STX11: variants seen among roughly 807,000 people sequenced by gnomAD.
STX11 encodes syntaxin 11.
STX11 carries 21 observed loss-of-function variants against 19.9 expected under a neutral mutation model. That is an observed-to-expected ratio of 1.06 (90% CI 0.75 to 1.52). STX11 has a LOEUF of 1.52. Ranked by LOEUF, STX11 falls within the 40% of genes most tolerant of loss-of-function variation. STX11 has a pLI of 0.00. For missense variants in STX11, 438 were observed against 405.9 expected, an observed-to-expected ratio of 1.08 and a Z score of -0.68; for synonymous variants, 193 against 174.4, an observed-to-expected ratio of 1.11 and a Z score of -0.84.
At chr6:144,150,291 C>G (rs1429057294), upstream of STX11, among the ~76,000 whole-genome samples, 2 of 152,258 alleles carry the variant, frequency 1.3e-5, no homozygotes, top group African/African-American at 2.4e-5. Flanking sequence ...ACATCCCACT[C>G]CCCGCGCCGG....
In STX11 at chr6:144,155,741, A is replaced by G. The variant is rs950906673; in HGVS notation, c.-6+5038A>G. Among the ~76,000 whole-genome samples, 1 of 152,134 alleles carries G rather than the reference A, an allele frequency of 6.6e-6. No homozygotes were observed. The highest frequency in any genetic ancestry group is 2.4e-5 in the African/African-American group (1 of 41,424). ...TAATAACCATTCTGTGTCTTTTACT[A>G]ATAATGAAACCATCTGTCAGAGTAA... On this transcript the variant is annotated intron_variant, in intron 1 of 1. Coordinates refer to ENST00000367568, the MANE Select transcript of STX11 (RefSeq NM_003764.4). The surrounding 1 kb of genome is among the most constrained non-coding windows in gnomAD (Gnocchi z 4.5).
chr6:144,188,829 C>G lies in STX11; in HGVS notation c.*1338C>G, dbSNP rs886061149. Among the ~76,000 whole-genome samples the G allele has an allele frequency of 6.8e-6, 1 of 146,100 alleles. No homozygotes were observed. Among genetic ancestry groups the G allele is most frequent in the South Asian group, 2.1e-4 (1 of 4,658 alleles). ...GCAACCTCTGTCTCCCAGGTTCGAG[C>G]GATTCTCCTGACTCAGCCTCCTGAG... is the stretch of plus-strand genomic sequence containing the variant. On this transcript the variant is annotated 3_prime_UTR_variant, in exon 2 of 2. Coordinates refer to ENST00000367568, the MANE Select transcript of STX11 (RefSeq NM_003764.4).
In STX11 at chr6:144,154,461, C is replaced by T. The variant is rs1238158178; in HGVS notation, c.-6+3758C>T. Among the ~76,000 whole-genome samples, 1 of 152,210 alleles carries T rather than the reference C, an allele frequency of 6.6e-6. No homozygotes were observed. Among genetic ancestry groups the T allele is most frequent in the Non-Finnish European group, 1.5e-5 (1 of 68,046 alleles). ...TGGAGACTCACAGTGTCTGAAGGTT[C>T]CAAGTGCTTCAATCATTGTGTCTAC... On this transcript the variant is annotated intron_variant, in intron 1 of 1. Coordinates refer to ENST00000367568, the MANE Select transcript of STX11 (RefSeq NM_003764.4). The surrounding 1 kb of genome is among the most constrained non-coding windows in gnomAD (Gnocchi z 4.7).
rs1477145783 is a variant in STX11 at position 144,167,679 on chromosome 6, C to G, written c.-6+16976C>G. ...TGTTGCTCAGGTTAAAGTGCAGTGG[C>G]ACGATCACAGCTCACTGAAGCCTTA... On this transcript the variant is annotated intron_variant, in intron 1 of 1. Transcript: ENST00000367568. This position sits in a 1 kb window ranked among gnomAD's most constrained non-coding sequence, Gnocchi z 5.0. Among the ~76,000 whole-genome samples, 4 of 152,076 alleles carry G rather than the reference C, an allele frequency of 2.6e-5. No individual in the cohort carries two copies. The East Asian group carries it at 7.7e-4, about 29-fold the overall frequency.
At chr6:144,166,653 G>A (rs1190022234) in intron 1 of STX11, among the ~76,000 whole-genome samples, 2 of 150,878 alleles carry the variant, frequency 1.3e-5, no homozygotes, top group South Asian at 2.1e-4. Flanking sequence ...AGCCTCCCAA[G>A]TAGCTGGGAC....
chr6:144,187,035 C>A lies in STX11; in HGVS notation c.408C>A (p.Thr136=), dbSNP rs780418852. The change falls in exon 2 of 2, where the codon ACC becomes ACA. Residue 136 remains threonine, a synonymous_variant. Coordinates refer to ENST00000367568, the MANE Select transcript of STX11 (RefSeq NM_003764.4). This position sits in a 1 kb window ranked among gnomAD's most constrained non-coding sequence, Gnocchi z 5.6. The part of the protein sequence containing the change: ...RISRAQYNAL[T]LTFQRAMHDY... ...CGCGGGCGCAGTACAACGCGCTCAC[C>A]CTCACCTTCCAGCGCGCCATGCACG... 8 of 1,612,720 alleles carry A rather than the reference C, an allele frequency of 5.0e-6. No individual in the cohort carries two copies. Among genetic ancestry groups the A allele is most frequent in the Non-Finnish European group, 5.9e-6 (7 of 1,179,936 alleles).
In STX11 at chr6:144,172,072, C is replaced by T. The variant is rs1026179630; in HGVS notation, c.-5-14551C>T. ...ATTATAATTTATCCATGATTCACAG[C>T]AGCCTCCATGTCTTCTTTAAAGAAG... On this transcript the variant is annotated intron_variant, in intron 1 of 1. Transcript: ENST00000367568. This position sits in a 1 kb window ranked among gnomAD's most constrained non-coding sequence, Gnocchi z 4.2. Among the ~76,000 whole-genome samples, 1 of 152,180 alleles carries T rather than the reference C, an allele frequency of 6.6e-6. No homozygotes were observed. Among genetic ancestry groups the T allele is most frequent in the Non-Finnish European group, 1.5e-5 (1 of 68,032 alleles).
the STX11 span, among the ~76,000 whole-genome samples, chr6:144,143,187 A>G: frequency 6.6e-6 from 1 of 152,212 alleles, no homozygotes; most frequent in East Asian, 1.9e-4. Context: ...AACAATTTAT[A>G]TGGCATACAG....
the STX11 span, among the ~76,000 whole-genome samples, chr6:144,140,254 A>ATATAT: frequency 1.0e-4 from 4 of 38,902 alleles, no homozygotes; most frequent in African/African-American, 5.3e-4. Flanking sequence ...ATATATATAT[A>ATATAT]TTTATTTATT....
the STX11 span, among the ~76,000 whole-genome samples, chr6:144,140,266 ATTTT>A: frequency 2.0e-5 from 2 of 101,954 alleles, no homozygotes; most frequent in African/African-American, 3.4e-5. Context: ...TTATTTATTT[ATTTT>A]TTGAGAAAGA....
rs1562654792 is a variant in STX11 at position 144,154,913 on chromosome 6, G to A, written c.-6+4210G>A. Among the ~76,000 whole-genome samples the A allele has an allele frequency of 6.6e-6, 1 of 152,114 alleles. No individual in the cohort carries two copies. The highest frequency in any genetic ancestry group is 2.4e-5 in the African/African-American group (1 of 41,420). On this transcript the variant is annotated intron_variant, in intron 1 of 1. Transcript: ENST00000367568. This position sits in a 1 kb window ranked among gnomAD's most constrained non-coding sequence, Gnocchi z 4.7. Reference sequence around the variant, plus strand: ...GGTAGATTCTTTTGTCTGAACAGCAGTATTTTGACCAACAACCCTGTCCAC... The same window carrying A: ...GGTAGATTCTTTTGTCTGAACAGCAATATTTTGACCAACAACCCTGTCCAC...
At chr6:144,156,024 C>CTCCTTCCTTCCTTCCTTCCT (rs1240238433) in intron 1 of STX11, among the ~76,000 whole-genome samples, 4 of 102,798 alleles carry the variant, frequency 3.9e-5, no homozygotes, top group African/African-American at 2.4e-4. Context: ...CTCTCTTTCT[C>CTCCTTCCTTCCTTCCTTCCT]TCCTTCCTTC....
chr6:144,173,362 C>T (rs543238585), intron 1 of STX11, among the ~76,000 whole-genome samples: 2 of 152,328 alleles, frequency 1.3e-5, no homozygotes, highest in African/African-American at 4.8e-5. Context: ...TTTGAGACAA[C>T]ACACTTAGAG....
chr6:144,168,830 A>G (rs1801552247), intron 1 of STX11, among the ~76,000 whole-genome samples: 1 of 152,234 alleles, frequency 6.6e-6, no homozygotes, highest in Non-Finnish European at 1.5e-5. Flanking sequence ...TTTAATCCTC[A>G]TTGATCTAAG....
rs1801932906 is a variant in STX11 at position 144,182,488 on chromosome 6, T to C, written c.-5-4135T>C. Among the ~76,000 whole-genome samples the C allele has an allele frequency of 6.6e-6, 1 of 152,242 alleles. No homozygotes were observed. On this transcript the variant is annotated intron_variant, in intron 1 of 1. Transcript: ENST00000367568. This position sits in a 1 kb window ranked among gnomAD's most constrained non-coding sequence, Gnocchi z 4.8. ...TTCTTTTTCTCTTATTAGCACATTA[T>C]GGACTTGCGCCTTCACATGAGCTTG...
At position 144,151,222 on chromosome 6, in the gene STX11, A is replaced by G. The variant is rs149574273; in HGVS notation, c.-6+519A>G. 6.3e-5 allele frequency: 62 copies of G among 985,372 alleles called. 1 individual carries two copies. In the East Asian group the frequency reaches 2.2e-3, roughly 34 times the overall value. 61.0% of individuals were successfully genotyped at this position (985,372 alleles called of 1,614,324 possible). A position where few individuals can be genotyped will look rare whatever the true frequency, so the allele number is the denominator to read the frequency against. ...GAGGAGTCCCTTCGAAGCCCACGTAAGACTTTGTTTTAGAAACATGGAGAG... is the reference window on the plus strand; with the variant it reads ...GAGGAGTCCCTTCGAAGCCCACGTAGGACTTTGTTTTAGAAACATGGAGAG... On this transcript the variant is annotated intron_variant, in intron 1 of 1. Coordinates refer to ENST00000367568, the MANE Select transcript of STX11 (RefSeq NM_003764.4). This position sits in a 1 kb window ranked among gnomAD's most constrained non-coding sequence, Gnocchi z 4.6.
chr6:144,151,324 G>A lies in STX11; in HGVS notation c.-6+621G>A, dbSNP rs1801000959. ...CTTTTTCTAGACTCCGCTGACACCA[G>A]CTGAGATCTGTATTACTTCCTGTGG... On this transcript the variant is annotated intron_variant, in intron 1 of 1. Transcript: ENST00000367568. The surrounding 1 kb of genome is among the most constrained non-coding windows in gnomAD (Gnocchi z 4.6). 1 of 985,434 alleles carries A rather than the reference G, an allele frequency of 1.0e-6. No homozygotes were observed. Among genetic ancestry groups the A allele is most frequent in the Admixed American group, 6.1e-5 (1 of 16,280 alleles). 61.0% of individuals were successfully genotyped at this position (985,434 alleles called of 1,614,324 possible). A position where few individuals can be genotyped will look rare whatever the true frequency, so the allele number is the denominator to read the frequency against.
intron 1 of STX11, among the ~76,000 whole-genome samples, chr6:144,179,234 C>T (rs1183420950): frequency 6.6e-6 from 1 of 152,190 alleles, no homozygotes; most frequent in African/African-American, 2.4e-5. Context: ...ATGGGGGAAA[C>T]CGCCCCCATG....
Position 144,165,311 on chromosome 6 carries a change from G to T in STX11, c.-6+14608G>T, listed in dbSNP as rs530711774. Among the ~76,000 whole-genome samples the T allele has an allele frequency of 6.6e-6, 1 of 151,930 alleles. No individual in the cohort carries two copies. Among genetic ancestry groups the T allele is most frequent in the Non-Finnish European group, 1.5e-5 (1 of 67,964 alleles). Reference sequence around the variant, plus strand: ...CTCTACTAAAAAATACAAAATTAGCGGGGCGTGGTGGTGCATGTCTGTAAT... The same window carrying T: ...CTCTACTAAAAAATACAAAATTAGCTGGGCGTGGTGGTGCATGTCTGTAAT... On this transcript the variant is annotated intron_variant, in intron 1 of 1. Transcript: ENST00000367568. This position sits in a 1 kb window ranked among gnomAD's most constrained non-coding sequence, Gnocchi z 5.8.
Sources: allele counts gnomAD v4.1 joint callset (sites outside exome capture counted in the v4.1 genomes callset), GRCh38; gene constraint gnomAD v4.1.1; non-coding constraint Gnocchi (gnomAD v3.1); transcripts MANE v1.5; gene names NCBI Gene and HGNC (gene_info 2026-07-23, HGNC 2026-07-21).